Variants in FMR1NB observed in about 807,000 individuals in gnomAD.
FMR1NB encodes the protein FMR1 neighbor, also known as FMR1 neighbor protein.
A neutral mutation model predicts 16.8 loss-of-function variants in FMR1NB; 10 were observed. The ratio of observed to expected loss-of-function variants is 0.60; its 90% CI spans 0.37 to 1.01. The LOEUF is 1.01. FMR1NB is among the 50% of genes least tolerant of loss of function. The probability of loss-of-function intolerance (pLI) is 0.01; values close to 1 mark genes in which losing one functional copy is unlikely to be tolerated. For synonymous variants in FMR1NB, 83 were observed against 79.1 expected (o/e 1.05, Z -0.26); for missense variants, 205 against 204.8 (o/e 1.00, Z 0.00).
chrX:148,007,126 C>A (rs782204655), intron 3 of FMR1NB, among the ~76,000 whole-genome samples: 1 of 111,938 alleles, frequency 8.9e-6, no homozygotes, highest in East Asian at 2.8e-4. Context: ...TCTATGGAAC[C>A]CTCAATGGCT....
chrX:147,989,653 G>A (rs1420681575), intron 1 of FMR1NB, among the ~76,000 whole-genome samples: 4 of 112,001 alleles, frequency 3.6e-5, no homozygotes, highest in African/African-American at 9.8e-5. Flanking sequence ...GTCCCAGTGA[G>A]ACGGGAGTTA....
intron 1 of FMR1NB, among the ~76,000 whole-genome samples, chrX:148,001,242 A>C (rs1438645753): frequency 8.9e-6 from 1 of 112,240 alleles, no homozygotes; most frequent in Non-Finnish European, 1.9e-5. Context: ...TTAGGTGAAA[A>C]AATTTTGTAA....
chrX:148,007,373 T>C, intron 3 of FMR1NB, among the ~76,000 whole-genome samples: 1 of 112,024 alleles, frequency 8.9e-6, no homozygotes, highest in Non-Finnish European at 1.9e-5. Flanking sequence ...GACTGCAGCC[T>C]CGACATCCGG....
intron 5 of FMR1NB, 91 bp downstream of exon 5, chrX:148,025,104 A>AT (rs781949829): frequency 9.3e-5 from 92 of 992,158 alleles, no homozygotes; most frequent in South Asian, 9.0e-4. Flanking sequence ...TGACTGACAC[A>AT]TTTTTTTTAA....
intron 4 of FMR1NB, among the ~76,000 whole-genome samples, chrX:148,017,371 G>C (rs1488064711): frequency 9.1e-6 from 1 of 109,868 alleles, no homozygotes; most frequent in East Asian, 2.9e-4. Context: ...AATCTGCCTG[G>C]TATTCTATAA....
chrX:148,011,050 G>A (rs1223232956), intron 4 of FMR1NB, among the ~76,000 whole-genome samples: 1 of 110,847 alleles, frequency 9.0e-6, no homozygotes, highest in Non-Finnish European at 1.9e-5. Flanking sequence ...CAGATCACGA[G>A]GTCAGGAGTT....
chrX:147,981,492 G>A lies in FMR1NB; in HGVS notation c.90G>A (p.Glu30=). The A allele has an allele frequency of 8.3e-7, 1 of 1,211,947 alleles. No individual in the cohort carries two copies. Among genetic ancestry groups the A allele is most frequent in the Middle Eastern group, 2.3e-4 (1 of 4,349 alleles). The change falls in exon 1 of 6, where the codon GAG becomes GAA. Residue 30 remains glutamate, a synonymous_variant. Coordinates refer to ENST00000370467, the MANE Select transcript of FMR1NB (RefSeq NM_152578.3). ...CTCACTTAGAGCTGGCAACTTATGAGTTGGCGGCAACTGAGTCGAATCCCG... is the reference window on the plus strand; with the variant it reads ...CTCACTTAGAGCTGGCAACTTATGAATTGGCGGCAACTGAGTCGAATCCCG... The part of the protein sequence containing the change: ...RVAHLELATY[E]LAATESNPES...
chrX:147,983,189 G>C (rs1244525140), intron 1 of FMR1NB, among the ~76,000 whole-genome samples: 1 of 111,508 alleles, frequency 9.0e-6, no homozygotes, highest in African/African-American at 3.3e-5. Flanking sequence ...TTTCCACTTT[G>C]GGCCTATTAT....
At chrX:148,022,964 G>T (rs1266844150) in intron 4 of FMR1NB, among the ~76,000 whole-genome samples, 1 of 111,707 alleles carries the variant, frequency 9.0e-6, no homozygotes, top group South Asian at 3.7e-4. Context: ...AAAAATTTCT[G>T]CAAACCTAAA....
At chrX:147,998,510 G>A (rs958844603) in intron 1 of FMR1NB, among the ~76,000 whole-genome samples, 4 of 111,634 alleles carry the variant, frequency 3.6e-5, no homozygotes, top group Non-Finnish European at 7.5e-5. Flanking sequence ...TGTAGATGAC[G>A]GGTTGATGGG....
Position 147,981,605 on chromosome X carries a change from C to T in FMR1NB, c.203C>T (p.Pro68Leu), listed in dbSNP as rs781882435. Residue 68 changes from proline (P) to leucine (L), a missense_variant, in exon 1 of 6, where the codon CCC becomes CTC. By Grantham distance (98) the Pro-to-Leu change is moderately conservative. Transcript: ENST00000370467. ...TCTCTAAAGATGCGGGTCAGCAAACCCTTTGGGATGCTCATGCTCTCCATT... is the reference window on the plus strand; with the variant it reads ...TCTCTAAAGATGCGGGTCAGCAAACTCTTTGGGATGCTCATGCTCTCCATT... ...RESLKMRVSK[P>L]FGMLMLSIWI... The T allele has an allele frequency of 1.7e-6, 2 of 1,211,169 alleles. No homozygotes were observed. The highest frequency in any genetic ancestry group is 3.0e-5 in the East Asian group (1 of 33,775).
chrX:147,982,421 C>T (rs1443847747), intron 1 of FMR1NB, among the ~76,000 whole-genome samples: 1 of 108,522 alleles, frequency 9.2e-6, no homozygotes, highest in East Asian at 2.9e-4. Flanking sequence ...AACCCCGTCT[C>T]TACTAAAATA....
In FMR1NB at chrX:148,026,498, A is replaced by G. The variant is rs1603090807; in HGVS notation, c.*14-4A>G. On this transcript the variant is annotated splice_region_variant and splice_polypyrimidine_tract_variant and intron_variant, in intron 5 of 5. Coordinates refer to ENST00000370467, the MANE Select transcript of FMR1NB (RefSeq NM_152578.3). ...TTTAACCCTACTTTACTTTTCTCCC[A>G]TAGCATTATTTTCCCCTCAAGACAA... 9.0e-6 allele frequency: 1 copy of G among 111,532 alleles called. No individual in the cohort carries two copies. Among genetic ancestry groups the G allele is most frequent in the East Asian group, 2.8e-4 (1 of 3,546 alleles). 9.2% of individuals were successfully genotyped at this position (111,532 alleles called of 1,213,427 possible).
intron 4 of FMR1NB, among the ~76,000 whole-genome samples, chrX:148,009,627 G>A (rs1397616724): frequency 1.8e-5 from 2 of 110,078 alleles, no homozygotes; most frequent in African/African-American, 6.6e-5. Flanking sequence ...AAAGTTAAGG[G>A]AAGCACTCAC....
chrX:147,992,216 C>G (rs2044510602), intron 1 of FMR1NB, among the ~76,000 whole-genome samples: 1 of 105,462 alleles, frequency 9.5e-6, no homozygotes, highest in African/African-American at 3.6e-5. Flanking sequence ...AGGGGCTCCT[C>G]ACTTCCCAGT....
intron 4 of FMR1NB, among the ~76,000 whole-genome samples, chrX:148,014,875 G>A (rs2044642316): frequency 9.0e-6 from 1 of 111,672 alleles, no homozygotes; most frequent in Non-Finnish European, 1.9e-5. Context: ...AAACTCCTGA[G>A]CTCAAGGAAT....
intron 4 of FMR1NB, 136 bp from the exon 5 acceptor site, chrX:148,024,729 A>G: frequency 2.7e-6 from 2 of 746,768 alleles, no homozygotes; most frequent in Non-Finnish European, 3.9e-6. Flanking sequence ...TATCGGATTT[A>G]TTAAATCTGG....
At chrX:148,022,746 C>T in intron 4 of FMR1NB, among the ~76,000 whole-genome samples, 1 of 111,387 alleles carries the variant, frequency 9.0e-6, no homozygotes, top group Middle Eastern at 4.7e-3. Context: ...AAAACCAAGT[C>T]CTCTGAAACC....
intron 1 of FMR1NB, among the ~76,000 whole-genome samples, chrX:147,986,340 A>T (rs2044476643): frequency 8.9e-6 from 1 of 111,920 alleles, no homozygotes; most frequent in Non-Finnish European, 1.9e-5. Flanking sequence ...CCCATTTGTC[A>T]ATTTTGGCTT....
Sources: allele counts gnomAD v4.1 joint callset (sites outside exome capture counted in the v4.1 genomes callset), GRCh38; gene constraint gnomAD v4.1.1; transcripts MANE v1.5; gene names NCBI Gene and HGNC (gene_info 2026-07-23, HGNC 2026-07-21).